The following STK38L variants were observed in gnomAD, a reference collection of about 807,000 sequenced individuals.
STK38L encodes the protein serine/threonine kinase 38 like, also known as serine/threonine-protein kinase 38-like.
In STK38L, 28 loss-of-function variants were observed where a neutral mutation model predicts 59.7. That is an observed-to-expected ratio of 0.47 (90% confidence interval 0.35 to 0.64). The LOEUF is 0.64. Ranked by LOEUF, STK38L falls within the 30% of genes least tolerant of loss-of-function variation. STK38L has a pLI of 0.01. For missense variants in STK38L, 314 were observed against 555.8 expected (o/e 0.56, Z 4.37); for synonymous variants, 162 against 176.8 (o/e 0.92, Z 0.66).
chr12:27,273,254 G>A (rs1273340557), intron 1 of STK38L, among the ~76,000 whole-genome samples: 1 of 152,092 alleles, frequency 6.6e-6, no homozygotes, highest in Non-Finnish European at 1.5e-5. Context: ...CAGAATGGGA[G>A]GGGTCCTGGA....
intron 1 of STK38L, among the ~76,000 whole-genome samples, chr12:27,265,504 A>G (rs971509337): frequency 1.3e-5 from 2 of 152,208 alleles, no homozygotes; most frequent in African/African-American, 4.8e-5. Flanking sequence ...TGTGAAACAC[A>G]TACTCTTCAC....
intron 1 of STK38L, among the ~76,000 whole-genome samples, chr12:27,257,259 G>A (rs945724064): frequency 6.6e-6 from 1 of 152,212 alleles, no homozygotes; most frequent in Non-Finnish European, 1.5e-5. Flanking sequence ...TTAATGGGGA[G>A]TGTCACTAAG....
Position 27,308,290 on chromosome 12 carries a change from A to C in STK38L, c.187-49A>C. ...TCTTTTAATACTAGAAGCTCCATCA[A>C]AACAACCTAATTATAAAATCATCCG... On this transcript the variant is annotated intron_variant, in intron 3 of 13. Coordinates refer to ENST00000389032, the MANE Select transcript of STK38L (RefSeq NM_015000.4). The surrounding 1 kb of genome is among the most constrained non-coding windows in gnomAD (Gnocchi z 4.5). 6.9e-7 allele frequency: 1 copy of C among 1,455,584 alleles called. No individual in the cohort carries two copies. Among genetic ancestry groups the C allele is most frequent in the Non-Finnish European group, 9.1e-7 (1 of 1,095,970 alleles). 90.2% of individuals were successfully genotyped at this position (1,455,584 alleles called of 1,614,324 possible).
chr12:27,247,953 T>C (rs1296824427), intron 1 of STK38L, among the ~76,000 whole-genome samples: 2 of 151,882 alleles, frequency 1.3e-5, no homozygotes, highest in African/African-American at 2.4e-5. Flanking sequence ...TAGCTCGGAC[T>C]ACAGGTGTGC....
chr12:27,245,193 C>T (rs1942823096), intron 1 of STK38L, among the ~76,000 whole-genome samples: 1 of 152,144 alleles, frequency 6.6e-6, no homozygotes, highest in African/African-American at 2.4e-5. Flanking sequence ...GCTAGTGGCT[C>T]TGGAAGTAGT....
At chr12:27,252,192 G>A (rs1305448484) in intron 1 of STK38L, among the ~76,000 whole-genome samples, 1 of 152,172 alleles carries the variant, frequency 6.6e-6, no homozygotes, top group Non-Finnish European at 1.5e-5. Flanking sequence ...TGTTAGCCAG[G>A]ATGGTCTCAA....
intron 1 of STK38L, among the ~76,000 whole-genome samples, chr12:27,269,674 G>C (rs549552085): frequency 6.6e-6 from 1 of 152,148 alleles, no homozygotes; most frequent in African/African-American, 2.4e-5. Context: ...ATGGAGTTTT[G>C]CTTTGTCACC....
At chr12:27,304,490 A>G (rs996159993) in intron 3 of STK38L, among the ~76,000 whole-genome samples, 1 of 152,118 alleles carries the variant, frequency 6.6e-6, no homozygotes, top group Admixed American at 6.5e-5. Flanking sequence ...TTTTACATTT[A>G]AAATTATCTA....
intron 1 of STK38L, among the ~76,000 whole-genome samples, chr12:27,276,222 C>A (rs1481040432): frequency 6.6e-6 from 1 of 152,130 alleles, no homozygotes; most frequent in Non-Finnish European, 1.5e-5. Context: ...TATACCCATA[C>A]CTACTCCCCT....
rs1377677676 is a variant in STK38L, at chr12:27,322,212, T to C, written c.1245T>C (p.Pro415=). The stretch of plus-strand genomic sequence containing the variant: ...ATACTTCAAATTTTGATGACTTCCC[T>C]GAATCTGATATTTTACAACCAGGTA... ...IDDTSNFDDF[P]ESDILQPVPN... Residue 415 remains proline, a synonymous_variant, in exon 13 of 14, where the codon CCT becomes CCC. Coordinates refer to ENST00000389032, the MANE Select transcript of STK38L (RefSeq NM_015000.4). The C allele has an allele frequency of 6.2e-7, 1 of 1,613,928 alleles. No individual in the cohort carries two copies. The highest frequency in any genetic ancestry group is 2.2e-5 in the East Asian group (1 of 44,862).
intron 1 of STK38L, among the ~76,000 whole-genome samples, chr12:27,286,978 A>AC (rs1236263878): frequency 3.3e-5 from 5 of 152,176 alleles, no homozygotes; most frequent in African/African-American, 1.2e-4. Flanking sequence ...TTATTATCAA[A>AC]CAGTGTTATG....
At chr12:27,292,181 A>C (rs1399609620) in intron 1 of STK38L, among the ~76,000 whole-genome samples, 1 of 152,242 alleles carries the variant, frequency 6.6e-6, no homozygotes, top group Non-Finnish European at 1.5e-5. Flanking sequence ...TTAATAAAAC[A>C]AAAAGAACAG....
At chr12:27,266,101 A>G (rs1184322795) in intron 1 of STK38L, among the ~76,000 whole-genome samples, 6 of 152,252 alleles carry the variant, frequency 3.9e-5, no homozygotes, top group African/African-American at 1.4e-4. Context: ...ACATATTTTA[A>G]GACACAAAGG....
chr12:27,274,942 G>T (rs1362026515), intron 1 of STK38L, among the ~76,000 whole-genome samples: 3 of 152,070 alleles, frequency 2.0e-5, no homozygotes, highest in Admixed American at 2.0e-4. Context: ...AATAATTACA[G>T]TAAACCTCCC....
At position 27,264,915 on chromosome 12, in the gene STK38L, A is replaced by G. The variant is rs1188026964; in HGVS notation, c.-12+20583A>G. 3.9e-5 allele frequency among the ~76,000 whole-genome samples: 6 copies of G among 152,370 alleles called. 1 individual carries two copies. Among genetic ancestry groups the G allele is most frequent in the Middle Eastern group, 6.8e-3 (2 of 294 alleles). On this transcript the variant is annotated intron_variant, in intron 1 of 13. Transcript: ENST00000389032. Reference sequence around the variant, plus strand: ...AGACTGGCTGTTGGATGACAAAAACATAGGACTAGGAAATTCAGGTATGCT... The same window carrying G: ...AGACTGGCTGTTGGATGACAAAAACGTAGGACTAGGAAATTCAGGTATGCT...
In STK38L at chr12:27,315,129, T is replaced by G. The variant is rs757688003; in HGVS notation, c.775+12T>G. The G allele has an allele frequency of 5.0e-6, 8 of 1,610,214 alleles. No individual in the cohort carries two copies. Among genetic ancestry groups the G allele is most frequent in the South Asian group, 1.1e-5 (1 of 90,710 alleles). ...ACCAAGTGACTTCTGTAAGTTTGGT[T>G]GTTGTTTTTCTTCTTTCCCCTGGTT... On this transcript the variant is annotated intron_variant, in intron 8 of 13. Coordinates refer to ENST00000389032, the MANE Select transcript of STK38L (RefSeq NM_015000.4).
chr12:27,309,258 T>C (rs1171641575), intron 5 of STK38L, 61 bp downstream of exon 5: 1 of 1,265,578 alleles, frequency 7.9e-7, no homozygotes, highest in East Asian at 2.7e-5. Flanking sequence ...GTTAAGAGTG[T>C]TTATATTAGA....
intron 3 of STK38L, among the ~76,000 whole-genome samples, chr12:27,303,463 C>G (rs79624958): frequency 0.022 from 3,309 of 152,206 alleles, 117 homozygotes; most frequent in African/African-American, 0.075. Context: ...CCCATGGGAG[C>G]CTTAAAATAC....
At chr12:27,278,109 A>G (rs1247828249) in intron 1 of STK38L, among the ~76,000 whole-genome samples, 1 of 152,250 alleles carries the variant, frequency 6.6e-6, no homozygotes, top group Non-Finnish European at 1.5e-5. Flanking sequence ...CAGTTTAGGC[A>G]TATGATCTAG....
Sources: allele counts gnomAD v4.1 joint callset (sites outside exome capture counted in the v4.1 genomes callset), GRCh38; gene constraint gnomAD v4.1.1; non-coding constraint Gnocchi (gnomAD v3.1); transcripts MANE v1.5; gene names NCBI Gene and HGNC (gene_info 2026-07-23, HGNC 2026-07-21).